PDE3A: variants seen among roughly 807,000 people sequenced by gnomAD.
PDE3A encodes the protein phosphodiesterase 3A, also known as cGMP-inhibited 3',5'-cyclic phosphodiesterase 3A.
Under a neutral mutation model 98.3 loss-of-function variants are expected in PDE3A, and 43 were observed. That is an observed-to-expected ratio of 0.44 (90% CI 0.34 to 0.56). PDE3A has a LOEUF of 0.56. PDE3A is among the 20% of genes least tolerant of loss of function. PDE3A has a pLI of 0.01. For synonymous variants in PDE3A, 663 were observed against 567.9 expected (o/e 1.17, Z -2.38); for missense variants, 1,427 against 1,440.7 (o/e 0.99, Z 0.15).
intron 1 of PDE3A, among the ~76,000 whole-genome samples, chr12:20,411,936 C>T (rs1187509956): frequency 9.0e-6 from 1 of 110,874 alleles, no homozygotes; most frequent in Non-Finnish European, 2.1e-5. Flanking sequence ...ATTTTATAGT[C>T]ATTTAATTTT....
intron 1 of PDE3A, among the ~76,000 whole-genome samples, chr12:20,478,344 T>G (rs1243570707): frequency 6.6e-6 from 1 of 151,866 alleles, no homozygotes; most frequent in Non-Finnish European, 1.5e-5. Context: ...TAATCAGGCA[T>G]ACATAACCTA....
At chr12:20,370,400 G>GTTT (rs776856187) in intron 1 of PDE3A, 156 bp downstream of exon 1, 2 of 359,324 alleles carry the variant, frequency 5.6e-6, no homozygotes, top group Non-Finnish European at 9.2e-6. Flanking sequence ...TTTTTTTTTT[G>GTTT]TTTTTTTTGT....
chr12:20,375,128 AT>A (rs893231312), intron 1 of PDE3A, among the ~76,000 whole-genome samples: 5 of 151,974 alleles, frequency 3.3e-5, no homozygotes, highest in Admixed American at 3.3e-4. Flanking sequence ...AGATTAAAAA[AT>A]ATTATGCTTA....
Position 20,644,858 on chromosome 12 carries a change from CTCCCCCTCT to C in PDE3A, c.2252-1619_2252-1611del, listed in dbSNP as rs1341445646. Among the ~76,000 whole-genome samples, 34 of 145,790 alleles carry C rather than the reference CTCCCCCTCT, an allele frequency of 2.3e-4. No individual in the cohort carries two copies. In the East Asian group the frequency reaches 3.1e-3, roughly 13 times the overall value. The stretch of plus-strand genomic sequence containing the variant: ...CCTCCTCCTCCTCCTCCTCCCCCTC[CTCCCCCTCT>C]TCCCCCTCTTCCTCTTCTTCCTTCT... On this transcript the variant is annotated intron_variant, in intron 10 of 15. Coordinates refer to ENST00000359062, the MANE Select transcript of PDE3A (RefSeq NM_000921.5).
At chr12:20,592,013 A>G (rs1412510339) in intron 2 of PDE3A, among the ~76,000 whole-genome samples, 1 of 152,222 alleles carries the variant, frequency 6.6e-6, no homozygotes, top group Non-Finnish European at 1.5e-5. Context: ...AACTTTAAAG[A>G]AAGATCTGCA....
intron 1 of PDE3A, among the ~76,000 whole-genome samples, chr12:20,425,016 A>G (rs1944580691): frequency 6.6e-6 from 1 of 152,252 alleles, no homozygotes; most frequent in Non-Finnish European, 1.5e-5. Context: ...CATCTTAGGC[A>G]AATATGACAG....
At chr12:20,531,681 T>C (rs1408649450) in intron 1 of PDE3A, among the ~76,000 whole-genome samples, 1 of 152,074 alleles carries the variant, frequency 6.6e-6, no homozygotes, top group African/African-American at 2.4e-5. Context: ...GAAAAAAAAA[T>C]TGCACTGTAA....
intron 1 of PDE3A, among the ~76,000 whole-genome samples, chr12:20,527,044 G>A (rs1209322263): frequency 6.6e-6 from 1 of 151,588 alleles, no homozygotes; most frequent in African/African-American, 2.4e-5. Flanking sequence ...TCAGCCTCCC[G>A]AGTAGCTAGG....
intron 14 of PDE3A, among the ~76,000 whole-genome samples, chr12:20,651,314 T>A (rs1320501845): frequency 6.6e-6 from 1 of 151,992 alleles, no homozygotes; most frequent in Non-Finnish European, 1.5e-5. Context: ...TTAAAAAGAA[T>A]GTGGAGGTGA....
At chr12:20,569,438 C>G (rs889543141) in intron 2 of PDE3A, among the ~76,000 whole-genome samples, 23 of 152,124 alleles carry the variant, frequency 1.5e-4, no homozygotes, top group Non-Finnish European at 2.1e-4. Context: ...ATGTCTCTCT[C>G]TTCTTTCATA....
intron 1 of PDE3A, among the ~76,000 whole-genome samples, chr12:20,377,348 A>G (rs1424664439): frequency 6.6e-6 from 1 of 151,890 alleles, no homozygotes; most frequent in Non-Finnish European, 1.5e-5. Context: ...TATTTAACCC[A>G]GCATAGCATG....
At chr12:20,386,017 AAATATATATATAAAT>A (rs1565532346) in intron 1 of PDE3A, among the ~76,000 whole-genome samples, 1 of 82,408 alleles carries the variant, frequency 1.2e-5, no homozygotes, top group African/African-American at 4.9e-5. Flanking sequence ...AATATATATA[AAATATATATATAAAT>A]ATATATAAAA....
At chr12:20,519,246 ACTC>A (rs773331573) in intron 1 of PDE3A, among the ~76,000 whole-genome samples, 5 of 152,022 alleles carry the variant, frequency 3.3e-5, no homozygotes, top group Non-Finnish European at 5.9e-5. Context: ...GAGTCTGGAA[ACTC>A]CTGTTACAGA....
rs190435074 is a variant in PDE3A, at chr12:20,561,552, A to G, written c.1011+4842A>G. On this transcript the variant is annotated intron_variant, in intron 2 of 15. Transcript: ENST00000359062. ...TTACTTTGATTCGCAAAACATGGAT[A>G]TATGTCAGGTACTTTTTTTTAGCCT... is the stretch of plus-strand genomic sequence containing the variant. Among the ~76,000 whole-genome samples, 63 of 152,274 alleles carry G rather than the reference A, an allele frequency of 4.1e-4. 1 individual carries two copies. The highest frequency in any genetic ancestry group is 1.4e-3 in the African/African-American group (59 of 41,566).
chr12:20,382,674 C>A (rs1433225500), intron 1 of PDE3A, among the ~76,000 whole-genome samples: 1 of 151,946 alleles, frequency 6.6e-6, no homozygotes, highest in Non-Finnish European at 1.5e-5. Context: ...ATACCAGTTT[C>A]TTAAACTTTC....
At position 20,369,550 on chromosome 12, in the gene PDE3A, T is replaced by C; in HGVS notation, c.266T>C (p.Leu89Pro). 1 of 1,558,760 alleles carries C rather than the reference T, an allele frequency of 6.4e-7. No homozygotes were observed. The highest frequency in any genetic ancestry group is 8.7e-7 in the Non-Finnish European group (1 of 1,152,010). ...GTCCGCGGGGAGGTCGGCTGTGACC[T>C]GGAGCAGTGTAAGGAGGCGGCGGCG... ...RLVRGEVGCD[L>P]EQCKEAAAAE... is the part of the protein sequence containing the mutation. The change falls in exon 1 of 16, where the codon CTG (leucine) becomes CCG (proline). Residue 89 changes from leucine to proline, a missense_variant. By Grantham distance (98) the Leu-to-Pro change is moderately conservative. This residue lies in a region of PDE3A where 1,012 missense variants were observed against 886.5 expected (regional missense o/e 1.14). Transcript: ENST00000359062.
At chr12:20,371,789 G>A (rs1943481420) in intron 1 of PDE3A, among the ~76,000 whole-genome samples, 1 of 152,158 alleles carries the variant, frequency 6.6e-6, no homozygotes, top group Non-Finnish European at 1.5e-5. Flanking sequence ...TTAAAATGGA[G>A]TAAGTTATCT....
rs1489099902 is a variant in PDE3A, at chr12:20,385,855, G to A, written c.960+15611G>A. 2.7e-5 allele frequency among the ~76,000 whole-genome samples: 4 copies of A among 147,672 alleles called. No homozygotes were observed. In the South Asian group the frequency reaches 6.3e-4, roughly 23 times the overall value. ...CCTAATGTAAATGACGAGTTAATGG[G>A]TGCAGCACACCAACATGGCACATGT... On this transcript the variant is annotated intron_variant, in intron 1 of 15. Coordinates refer to ENST00000359062, the MANE Select transcript of PDE3A (RefSeq NM_000921.5).
chr12:20,488,423 G>A (rs1482321131), intron 1 of PDE3A, among the ~76,000 whole-genome samples: 1 of 152,066 alleles, frequency 6.6e-6, no homozygotes, highest in East Asian at 1.9e-4. Flanking sequence ...AAATTAAGCC[G>A]ACCTTCACTC....
Sources: gnomAD v4.1 joint callset for allele counts (sites outside exome capture counted in the v4.1 genomes callset) on GRCh38, gnomAD v4.1.1 for gene constraint, gnomAD v4.1.1 regional missense constraint, MANE v1.5 for transcripts, NCBI Gene and HGNC (gene_info 2026-07-23, HGNC 2026-07-21) for gene names.